The following GALNT13 variants were observed in gnomAD, a reference collection of about 807,000 sequenced individuals.
The protein encoded by GALNT13 is UDP-GalNAc:polypeptide N-acetylgalactosaminyltransferase 13.
Under a neutral mutation model 64.2 loss-of-function variants are expected in GALNT13, and 28 were observed. The ratio of observed to expected loss-of-function variants is 0.44; its 90% confidence interval spans 0.32 to 0.60. GALNT13 has a LOEUF of 0.60. Ranked by LOEUF, GALNT13 falls within the 20% of genes least tolerant of loss-of-function variation. The pLI is 0.05. For missense variants in GALNT13, 577 were observed against 669.8 expected, an observed-to-expected ratio of 0.86 and a Z score of 1.53; for synonymous variants, 214 against 224.6, an observed-to-expected ratio of 0.95 and a Z score of 0.42.
chr2:153,542,181 G>T, the GALNT13 span, among the ~76,000 whole-genome samples: 1 of 151,962 alleles, frequency 6.6e-6, no homozygotes, highest in Admixed American at 6.6e-5. Flanking sequence ...TTAGCCAGTC[G>T]TGGTGGCACA....
the GALNT13 span, among the ~76,000 whole-genome samples, chr2:153,403,820 C>T: frequency 3.3e-5 from 5 of 152,290 alleles, no homozygotes; most frequent in Middle Eastern, 0.017. Context: ...TGACCTGCGC[C>T]CACTGTCTGG....
At chr2:153,467,935 A>G in the GALNT13 span, among the ~76,000 whole-genome samples, 1 of 152,098 alleles carries the variant, frequency 6.6e-6, no homozygotes, top group South Asian at 2.1e-4. Context: ...CTTTTCATTT[A>G]TTAATTGAAA....
chr2:153,298,051 A>G, the GALNT13 span, among the ~76,000 whole-genome samples: 1 of 152,208 alleles, frequency 6.6e-6, no homozygotes, highest in Non-Finnish European at 1.5e-5. Context: ...ATGTACTCAT[A>G]CAAATGAGCA....
chr2:153,169,025 A>T, the GALNT13 span, among the ~76,000 whole-genome samples: 3 of 152,194 alleles, frequency 2.0e-5, no homozygotes, highest in Non-Finnish European at 2.9e-5. Context: ...AAAAAAAAAA[A>T]ACTAGTTATG....
chr2:153,826,589 T>A, the GALNT13 span, among the ~76,000 whole-genome samples: 3 of 152,332 alleles, frequency 2.0e-5, no homozygotes, highest in African/African-American at 7.2e-5. Flanking sequence ...AAGGTCTGCT[T>A]CTGGAGAAAC....
chr2:154,025,312 C>T (rs1697872011), intron 3 of GALNT13, among the ~76,000 whole-genome samples: 1 of 152,128 alleles, frequency 6.6e-6, no homozygotes, highest in African/African-American at 2.4e-5. Flanking sequence ...CTTGGCTCCT[C>T]CCCCCATGTT....
At position 154,188,014 on chromosome 2, in the gene GALNT13, T is replaced by TTCTCTCTC. The variant is rs10635676; in HGVS notation, c.311+47536_311+47543dup. Among the ~76,000 whole-genome samples the TTCTCTCTC allele has an allele frequency of 8.3e-3, 1,193 of 144,412 alleles. 6 individuals are homozygous for TTCTCTCTC. Among genetic ancestry groups the TTCTCTCTC allele is most frequent in the Non-Finnish European group, 0.011 (713 of 65,604 alleles). 94.7% of individuals were successfully genotyped at this position (144,412 alleles called of 152,430 possible). ...TAGTGATGTAGCTAGGCATCAGGCATTCTCTCTCTCTCTCTCTCTCTCTCT... is the reference window on the plus strand; with the variant it reads ...TAGTGATGTAGCTAGGCATCAGGCATTCTCTCTCTCTCTCTCTCTCTCTCTCTCTCTCT... On this transcript the variant is annotated intron_variant, in intron 4 of 12. Transcript: ENST00000392825.
chr2:153,490,996 TAACTC>T, the GALNT13 span, among the ~76,000 whole-genome samples: 2 of 151,846 alleles, frequency 1.3e-5, no homozygotes, highest in Non-Finnish European at 2.9e-5. Flanking sequence ...GAATATCTAT[TAACTC>T]AACCTGATAG....
At chr2:153,573,745 T>TC in the GALNT13 span, among the ~76,000 whole-genome samples, 10 of 152,028 alleles carry the variant, frequency 6.6e-5, no homozygotes, top group African/African-American at 2.4e-4. Context: ...CTTAATTTCA[T>TC]CCCCCCACTT....
At chr2:153,739,506 G>C in the GALNT13 span, among the ~76,000 whole-genome samples, 1 of 140,848 alleles carries the variant, frequency 7.1e-6, no homozygotes, top group African/African-American at 2.6e-5. Context: ...TTAGATTTTT[G>C]TTTTATTTAT....
At chr2:154,149,181 G>A (rs1365747175) in intron 4 of GALNT13, among the ~76,000 whole-genome samples, 3 of 152,140 alleles carry the variant, frequency 2.0e-5, no homozygotes, top group Admixed American at 2.0e-4. Context: ...TTATTAAATA[G>A]GGAATCCTTT....
At chr2:153,112,868 AG>A in the GALNT13 span, among the ~76,000 whole-genome samples, 8 of 152,094 alleles carry the variant, frequency 5.3e-5, no homozygotes, top group Admixed American at 5.2e-4. Flanking sequence ...AATCTATATA[AG>A]AAGGCATGGA....
At chr2:153,974,369 AC>A (rs1693941145) in intron 3 of GALNT13, among the ~76,000 whole-genome samples, 1 of 152,118 alleles carries the variant, frequency 6.6e-6, no homozygotes, top group African/African-American at 2.4e-5. Flanking sequence ...TGAAGGTGTG[AC>A]CTTGTTAAAT....
At chr2:153,287,598 G>T in the GALNT13 span, among the ~76,000 whole-genome samples, 1 of 152,118 alleles carries the variant, frequency 6.6e-6, no homozygotes, top group Non-Finnish European at 1.5e-5. Flanking sequence ...TGCTGGCGGG[G>T]CTCTTCTCCG....
intron 3 of GALNT13, among the ~76,000 whole-genome samples, chr2:154,084,579 A>T (rs910052616): frequency 6.6e-6 from 1 of 151,894 alleles, no homozygotes; most frequent in Non-Finnish European, 1.5e-5. Flanking sequence ...ACTTGCCTCT[A>T]TTACAAATGC....
At chr2:153,100,737 G>A in the GALNT13 span, among the ~76,000 whole-genome samples, 4 of 152,158 alleles carry the variant, frequency 2.6e-5, no homozygotes, top group Admixed American at 6.5e-5. Flanking sequence ...CTAATAATAT[G>A]TAATATCTAG....
intron 6 of GALNT13, 103 bp downstream of exon 6, chr2:154,243,008 G>T (rs979393594): frequency 9.5e-6 from 9 of 942,566 alleles, no homozygotes; most frequent in Admixed American, 5.6e-5. Flanking sequence ...TTTTTAGAAG[G>T]TTTATTTTAT....
the GALNT13 span, among the ~76,000 whole-genome samples, chr2:153,638,421 G>GAAAACCAAGAGCCAAGGAAAAGT: frequency 4.6e-5 from 4 of 86,864 alleles, no homozygotes; most frequent in African/African-American, 1.4e-4. Context: ...TGGTTGCCTG[G>GAAAACCAAGAGCCAAGGAAAAGT]ACACCCGGGA....
chr2:153,293,908 C>T, the GALNT13 span, among the ~76,000 whole-genome samples: 4 of 152,018 alleles, frequency 2.6e-5, no homozygotes, highest in South Asian at 8.3e-4. Flanking sequence ...CTTCCATCTC[C>T]CAGGCTCAAA....
Sources: gnomAD v4.1 joint callset for allele counts (sites outside exome capture counted in the v4.1 genomes callset) on GRCh38, gnomAD v4.1.1 for gene constraint, MANE v1.5 for transcripts, NCBI Gene and HGNC (gene_info 2026-07-23, HGNC 2026-07-21) for gene names.